MYH15: variants seen among roughly 807,000 people sequenced by gnomAD.
The protein encoded by MYH15 is myosin heavy chain 15.
A neutral mutation model predicts 240.5 loss-of-function variants in MYH15; 227 were observed. The observed-to-expected ratio is 0.94, with a 90% confidence interval of 0.85 to 1.05. The LOEUF is 1.05. Among genes scored for constraint, MYH15 ranks in the 50% least tolerant of loss-of-function variants. The pLI is 0.00. For synonymous variants in MYH15, 785 were observed against 796.7 expected (o/e 0.99, Z 0.25); for missense variants, 2,217 against 2,247.5 (o/e 0.99, Z 0.27).
upstream of MYH15, among the ~76,000 whole-genome samples, chr3:108,531,791 A>AATAC (rs2083712007): frequency 6.6e-6 from 1 of 151,210 alleles, no homozygotes; most frequent in African/African-American, 2.4e-5. Flanking sequence ...TAAATAAATA[A>AATAC]ATAAATAAAT....
intron 2 of MYH15, among the ~76,000 whole-genome samples, chr3:108,504,713 C>T (rs370940689): frequency 6.6e-6 from 1 of 152,070 alleles, no homozygotes; most frequent in Non-Finnish European, 1.5e-5. Flanking sequence ...GCTTACACCA[C>T]GGGGTGGCAG....
intron 9 of MYH15, among the ~76,000 whole-genome samples, 182 bp from the exon 10 acceptor site, chr3:108,486,708 TC>T (rs2083308767): frequency 6.6e-6 from 1 of 152,142 alleles, no homozygotes; most frequent in Admixed American, 6.5e-5. Flanking sequence ...AACTTGTCAG[TC>T]ATGTGTTAAT....
At chr3:108,435,793 A>C (rs1480980791) in intron 25 of MYH15, among the ~76,000 whole-genome samples, 2 of 146,038 alleles carry the variant, frequency 1.4e-5, no homozygotes, top group Non-Finnish European at 3.0e-5. Context: ...TTTTTATTTC[A>C]ATAGGTTTTT....
At chr3:108,499,396 G>T in intron 5 of MYH15, 59 bp downstream of exon 5, 1 of 1,493,884 alleles carries the variant, frequency 6.7e-7, no homozygotes, top group Non-Finnish European at 9.3e-7. Flanking sequence ...TGAAATGGAG[G>T]TATCTATTTC....
intron 27 of MYH15, among the ~76,000 whole-genome samples, chr3:108,426,879 G>GA (rs1485984219): frequency 1.3e-5 from 2 of 152,208 alleles, no homozygotes; most frequent in East Asian, 3.8e-4. Context: ...CAGAAGGTCA[G>GA]ACATGGAGTC....
chr3:108,477,340 T>C (rs1383160688), intron 11 of MYH15, among the ~76,000 whole-genome samples: 1 of 152,134 alleles, frequency 6.6e-6, no homozygotes, highest in Admixed American at 6.5e-5. Context: ...AAATAACTAC[T>C]AATAGTTGCT....
At chr3:108,530,465 GATT>G (rs2083704216), upstream of MYH15, among the ~76,000 whole-genome samples, 1 of 152,172 alleles carries the variant, frequency 6.6e-6, no homozygotes, top group Non-Finnish European at 1.5e-5. Context: ...GAGCATAGGG[GATT>G]TTTTAGGGCA....
rs2083157643 is a variant in MYH15, at chr3:108,470,024, G to C, written c.1554+18C>G. The C allele has an allele frequency of 1.3e-6, 2 of 1,586,176 alleles. No individual in the cohort carries two copies. The highest frequency in any genetic ancestry group is 2.8e-5 in the African/African-American group (2 of 72,278). On this transcript the variant is annotated intron_variant, in intron 14 of 40. Transcript: ENST00000693548. ...TTCTCCCGAAATGAAAATGGACAAA[G>C]AGAAAAACATATATTACCTTCTCAA...
intron 38 of MYH15, among the ~76,000 whole-genome samples, chr3:108,386,472 C>G (rs1183536846): frequency 2.0e-5 from 3 of 152,316 alleles, no homozygotes; most frequent in Middle Eastern, 6.8e-3. Context: ...TGAGGCCACA[C>G]ACTTCCCAGG....
chr3:108,545,175 T>A, the MYH15 span, among the ~76,000 whole-genome samples: 1 of 152,150 alleles, frequency 6.6e-6, no homozygotes, highest in African/African-American at 2.4e-5. Flanking sequence ...TGATATCTAA[T>A]ATAAATAAGT....
intron 32 of MYH15, among the ~76,000 whole-genome samples, chr3:108,407,459 A>T (rs1160825274): frequency 1.3e-5 from 2 of 152,200 alleles, no homozygotes; most frequent in East Asian, 3.9e-4. Flanking sequence ...GGGCTTCTTA[A>T]CCACCTAAGA....
intron 21 of MYH15, among the ~76,000 whole-genome samples, chr3:108,452,932 C>G (rs2082986410): frequency 6.6e-6 from 1 of 152,004 alleles, no homozygotes. Flanking sequence ...GCCTGGGCAA[C>G]ATAGGGAGAC....
the MYH15 span, among the ~76,000 whole-genome samples, chr3:108,541,677 C>A: frequency 8.0e-4 from 122 of 152,126 alleles, no homozygotes; most frequent in Non-Finnish European, 9.3e-4. Context: ...ACATACACTT[C>A]AACTAAGTAA....
At chr3:108,521,421 G>T (rs936616916) in intron 1 of MYH15, among the ~76,000 whole-genome samples, 1 of 151,210 alleles carries the variant, frequency 6.6e-6, no homozygotes, top group Non-Finnish European at 1.5e-5. Context: ...GAAACTCTTT[G>T]AGTTATAGGA....
the MYH15 span, among the ~76,000 whole-genome samples, chr3:108,539,643 G>T: frequency 6.6e-6 from 1 of 152,046 alleles, no homozygotes; most frequent in East Asian, 1.9e-4. Context: ...AAGAACCAAG[G>T]ACAGTAAAAG....
chr3:108,537,232 T>C, the MYH15 span, among the ~76,000 whole-genome samples: 2,321 of 152,238 alleles, frequency 0.015, 48 homozygotes, highest in Non-Finnish European at 0.017. Context: ...AGTAAAGTCA[T>C]AGGGAGGCCT....
upstream of MYH15, among the ~76,000 whole-genome samples, chr3:108,531,222 ATAT>A (rs1339864746): frequency 6.6e-6 from 1 of 152,172 alleles, no homozygotes; most frequent in Non-Finnish European, 1.5e-5. Context: ...ACAAAGAAAG[ATAT>A]TATTATTTTT....
In MYH15 at chr3:108,438,265, G is replaced by C. The variant is rs541446871; in HGVS notation, c.3076-566C>G. Reference sequence around the variant, plus strand: ...GTCACCACCTTGGTACCCTCTTCCAGTTCATAACATTATGTCATATTCTGG... The same window carrying C: ...GTCACCACCTTGGTACCCTCTTCCACTTCATAACATTATGTCATATTCTGG... On this transcript the variant is annotated intron_variant, in intron 24 of 40. Coordinates refer to ENST00000693548, the MANE Select transcript of MYH15 (RefSeq NM_014981.3). Among the ~76,000 whole-genome samples, 23 of 152,180 alleles carry C rather than the reference G, an allele frequency of 1.5e-4. No homozygotes were observed. The South Asian group carries it at 4.4e-3, about 29-fold the overall frequency.
At chr3:108,462,993 C>G in intron 16 of MYH15, 118 bp downstream of exon 16, 4 of 1,216,880 alleles carry the variant, frequency 3.3e-6, no homozygotes, top group Non-Finnish European at 4.6e-6. Flanking sequence ...GAGGGGACGA[C>G]TCAGACCACA....
Sources: allele counts gnomAD v4.1 joint callset (sites outside exome capture counted in the v4.1 genomes callset), GRCh38; gene constraint gnomAD v4.1.1; transcripts MANE v1.5; gene names NCBI Gene and HGNC (gene_info 2026-07-23, HGNC 2026-07-21).